Variants in TBCK observed in about 807,000 individuals in gnomAD.
TBCK encodes the protein TBC domain-containing protein kinase-like protein.
A neutral mutation model predicts 113.4 loss-of-function variants in TBCK; 99 were observed. The ratio of observed to expected loss-of-function variants is 0.87; its 90% CI spans 0.74 to 1.03. The LOEUF (loss-of-function observed/expected upper bound fraction) is 1.03. Ranked by LOEUF, TBCK falls within the 50% of genes least tolerant of loss-of-function variation. The pLI is 0.00. For synonymous variants in TBCK, 369 were observed against 370.8 expected (o/e 1.00, Z 0.05); for missense variants, 1,045 against 1,061.3 (o/e 0.98, Z 0.21).
chr4:106,250,520 G>T, intron 6 of TBCK, 42 bp from the exon 7 acceptor site: 1 of 1,182,202 alleles, frequency 8.5e-7, no homozygotes, highest in Non-Finnish European at 1.2e-6. Context: ...ATATTTACAT[G>T]TTTTTTCTAG....
At chr4:106,213,988 G>C (rs926455679) in intron 19 of TBCK, among the ~76,000 whole-genome samples, 3 of 152,170 alleles carry the variant, frequency 2.0e-5, no homozygotes, top group African/African-American at 7.2e-5. Flanking sequence ...TTTGAAGAGA[G>C]CAGTGGTTCT....
intron 20 of TBCK, among the ~76,000 whole-genome samples, chr4:106,204,732 G>A (rs1755255418): frequency 6.9e-6 from 1 of 144,004 alleles, no homozygotes; most frequent in African/African-American, 2.5e-5. Context: ...TTATTTGAAA[G>A]AATGACAGAC....
intron 1 of TBCK, among the ~76,000 whole-genome samples, chr4:106,311,200 TACACACACACACACACACACACAC>T (rs36011277): frequency 2.9e-5 from 4 of 138,196 alleles, no homozygotes; most frequent in Admixed American, 2.2e-4. Context: ...CAGAAACTCC[TACACACACACACACACACACACAC>T]ACACACACAC....
intron 3 of TBCK, among the ~76,000 whole-genome samples, chr4:106,264,297 A>G (rs748284426): frequency 1.3e-5 from 2 of 152,022 alleles, no homozygotes; most frequent in African/African-American, 4.8e-5. Flanking sequence ...GTCCTCACTG[A>G]GGTGACACTT....
At chr4:106,186,706 T>C (rs1371728707) in intron 22 of TBCK, among the ~76,000 whole-genome samples, 2 of 152,216 alleles carry the variant, frequency 1.3e-5, no homozygotes, top group Admixed American at 1.3e-4. Context: ...TGATAGTTTC[T>C]TTTGCTGTGC....
At chr4:106,181,150 G>C (rs540133111) in intron 22 of TBCK, among the ~76,000 whole-genome samples, 45 of 152,230 alleles carry the variant, frequency 3.0e-4, no homozygotes, top group African/African-American at 9.9e-4. Flanking sequence ...ATGTCTGTTG[G>C]CTGCATAAAT....
At chr4:106,161,693 G>GGTGTGTGTGTGTGT (rs1462841972) in intron 23 of TBCK, among the ~76,000 whole-genome samples, 1 of 143,572 alleles carries the variant, frequency 7.0e-6, no homozygotes, top group African/African-American at 2.7e-5. Context: ...ACCAGAATTA[G>GGTGTGTGTGTGTGT]GTGTGTCTGT....
chr4:106,145,209 T>C (rs774015159), intron 23 of TBCK, among the ~76,000 whole-genome samples: 1 of 151,864 alleles, frequency 6.6e-6, no homozygotes, highest in East Asian at 1.9e-4. Context: ...TCCCAGCTAC[T>C]TGTGAGGCTG....
At chr4:106,316,416 AG>A (rs1561016813), upstream of TBCK, 1 of 835,604 alleles carries the variant, frequency 1.2e-6, no homozygotes, top group Non-Finnish European at 2.0e-6. Flanking sequence ...GTGGTATGGC[AG>A]GTTAATGGGA....
At chr4:106,215,013 T>C (rs1019945702) in intron 19 of TBCK, among the ~76,000 whole-genome samples, 17 of 150,834 alleles carry the variant, frequency 1.1e-4, no homozygotes, top group African/African-American at 3.7e-4. Context: ...TAACAGCGGA[T>C]CTCTCGGCAG....
chr4:106,171,374 G>T, intron 22 of TBCK, 104 bp from the exon 23 acceptor site: 1 of 802,526 alleles, frequency 1.2e-6, no homozygotes, highest in Non-Finnish European at 1.9e-6. Context: ...ATATGGCTAA[G>T]ATGATAAGTT....
At chr4:106,238,991 T>G (rs72891682) in intron 12 of TBCK, among the ~76,000 whole-genome samples, 4,086 of 152,096 alleles carry the variant, frequency 0.027, 177 homozygotes, top group African/African-American at 0.094. Context: ...GTTCTCAGGG[T>G]GAAGATCTGA....
intron 23 of TBCK, among the ~76,000 whole-genome samples, chr4:106,142,730 C>A (rs539593592): frequency 6.6e-6 from 1 of 152,268 alleles, no homozygotes; most frequent in Admixed American, 6.5e-5. Flanking sequence ...CAGTGCAAGA[C>A]CCCAGATCTT....
chr4:106,101,256 C>T (rs1310300366), intron 24 of TBCK, among the ~76,000 whole-genome samples: 3 of 152,130 alleles, frequency 2.0e-5, no homozygotes, highest in Non-Finnish European at 2.9e-5. Context: ...AGCTCTTTAA[C>T]AGCTAATACA....
intron 23 of TBCK, among the ~76,000 whole-genome samples, chr4:106,142,250 T>A (rs1282650152): frequency 6.6e-6 from 1 of 152,130 alleles, no homozygotes; most frequent in African/African-American, 2.4e-5. Flanking sequence ...AAACTTCAGT[T>A]TAGCAGGGTT....
intron 1 of TBCK, among the ~76,000 whole-genome samples, chr4:106,315,076 C>T (rs1193728296): frequency 6.6e-6 from 1 of 152,074 alleles, no homozygotes; most frequent in Non-Finnish European, 1.5e-5. Flanking sequence ...AAAAGGCTCA[C>T]ACACAAAAAT....
chr4:106,124,766 C>T (rs1432589884), intron 23 of TBCK, among the ~76,000 whole-genome samples: 3 of 151,872 alleles, frequency 2.0e-5, no homozygotes, highest in Admixed American at 2.0e-4. Flanking sequence ...AAACCAAACA[C>T]CGCATATTCT....
intron 10 of TBCK, 25 bp downstream of exon 10, chr4:106,247,114 T>A: frequency 6.2e-7 from 1 of 1,600,870 alleles, no homozygotes; most frequent in Non-Finnish European, 8.5e-7. Flanking sequence ...CTCATATTAT[T>A]CTCTATGCTT....
chr4:106,294,109 T>C (rs1766007714), intron 3 of TBCK, among the ~76,000 whole-genome samples: 1 of 152,222 alleles, frequency 6.6e-6, no homozygotes, highest in African/African-American at 2.4e-5. Flanking sequence ...CTCTTTAATG[T>C]GACCTTTATT....
Sources: allele counts gnomAD v4.1 joint callset (sites outside exome capture counted in the v4.1 genomes callset), GRCh38; gene constraint gnomAD v4.1.1; transcripts MANE v1.5; gene names NCBI Gene and HGNC (gene_info 2026-07-23, HGNC 2026-07-21).